VAV1: variants seen among roughly 807,000 people sequenced by gnomAD.
VAV1 encodes the protein proto-oncogene vav.
In VAV1, 33 loss-of-function variants were observed where a neutral mutation model predicts 128.1. That is an observed-to-expected ratio of 0.26 (90% CI 0.20 to 0.34). The LOEUF (loss-of-function observed/expected upper bound fraction) is 0.34. Among genes scored for constraint, VAV1 ranks in the 10% least tolerant of loss-of-function variants. The pLI is 1.00. For synonymous variants in VAV1, 394 were observed against 409.8 expected (o/e 0.96, Z 0.47); for missense variants, 715 against 1,093.7 (o/e 0.65, Z 4.88).
rs1971977829 is a variant in VAV1 at position 6,828,663 on chromosome 19, G to A, written c.1134G>A (p.Glu378=). The A allele has an allele frequency of 6.2e-7, 1 of 1,614,156 alleles. No individual in the cohort carries two copies. The highest frequency in any genetic ancestry group is 1.1e-5 in the South Asian group (1 of 91,072). Residue 378 remains glutamate (E), a synonymous_variant, in exon 12 of 27, where the codon GAG becomes GAA. Transcript: ENST00000602142. The surrounding 1 kb of genome is among the most constrained non-coding windows in gnomAD (Gnocchi z 4.5). ...QCVNEVKRDN[E]TLRQITNFQL... ...TGAACGAGGTCAAGCGAGACAACGA[G>A]ACACTGCGACAGATCACCAATTTCC...
intron 1 of VAV1, among the ~76,000 whole-genome samples, chr19:6,778,390 ATGT>A (rs1258782480): frequency 6.6e-6 from 1 of 152,044 alleles, no homozygotes; most frequent in African/African-American, 2.4e-5. Context: ...GGCCAAGATG[ATGT>A]TAAGTTCCCC....
At chr19:6,833,886 C>G in intron 18 of VAV1, 22 bp from the exon 19 acceptor site, 1 of 1,614,076 alleles carries the variant, frequency 6.2e-7, no homozygotes, top group Non-Finnish European at 8.5e-7. Flanking sequence ...GGTAGACAGG[C>G]TTTCTTTGTT....
At chr19:6,832,333 A>T in intron 15 of VAV1, 133 bp downstream of exon 15, 1 of 823,386 alleles carries the variant, frequency 1.2e-6, no homozygotes, top group Non-Finnish European at 1.9e-6. Context: ...CATTTGGGAA[A>T]TAAGAGGGAC....
At chr19:6,852,924 G>A in intron 24 of VAV1, 41 bp from the exon 25 acceptor site, 1 of 1,556,198 alleles carries the variant, frequency 6.4e-7, no homozygotes, top group Non-Finnish European at 8.8e-7. Context: ...CTTATGGGCT[G>A]GCCCGCTGGG....
In VAV1 at chr19:6,774,317, CA is replaced by C. The variant is rs916548286; in HGVS notation, c.204+1307del. Among the ~76,000 whole-genome samples, 508 of 149,284 alleles carry C rather than the reference CA, an allele frequency of 3.4e-3. 3 individuals are homozygous for C. The highest frequency in any genetic ancestry group is 0.011 in the African/African-American group (458 of 40,378). ...TAATTTTTTGTATTTTTAGTAGAGA[CA>C]GGGGTTTCACCGTGTTAGCCAGGAT... On this transcript the variant is annotated intron_variant, in intron 1 of 26. Transcript: ENST00000602142.
At chr19:6,844,701 T>C (rs1384078242) in intron 22 of VAV1, among the ~76,000 whole-genome samples, 1 of 152,134 alleles carries the variant, frequency 6.6e-6, no homozygotes, top group Non-Finnish European at 1.5e-5. Flanking sequence ...CGTGCTCTCC[T>C]GCGTTAGCGC....
rs749187719 is a variant in VAV1, at chr19:6,777,380, A to T, written c.204+4369A>T. ...AAACCCCTGTTGTTGAGGAGCCTGC[A>T]TTCTAGTGGGGGAGGCTGACAGTGA... On this transcript the variant is annotated intron_variant, in intron 1 of 26. Coordinates refer to ENST00000602142, the MANE Select transcript of VAV1 (RefSeq NM_005428.4). The surrounding 1 kb of genome is among the most constrained non-coding windows in gnomAD (Gnocchi z 4.4). 2.0e-5 allele frequency among the ~76,000 whole-genome samples: 3 copies of T among 152,276 alleles called. No individual in the cohort carries two copies. Among genetic ancestry groups the T allele is most frequent in the Non-Finnish European group, 4.4e-5 (3 of 68,026 alleles).
chr19:6,800,767 G>A lies in VAV1; in HGVS notation c.205-19935G>A, dbSNP rs568457652. On this transcript the variant is annotated intron_variant, in intron 1 of 26. Transcript: ENST00000602142. ...CTCCAGAGTAGCTGGGATTACAGGC[G>A]CCTGTCACCACGCCTGGCAAATTTT... is the stretch of plus-strand genomic sequence containing the variant. 8.1e-5 allele frequency among the ~76,000 whole-genome samples: 12 copies of A among 147,870 alleles called. No homozygotes were observed. In the South Asian group the frequency reaches 2.0e-3, roughly 25 times the overall value.
intron 6 of VAV1, among the ~76,000 whole-genome samples, chr19:6,823,013 T>C (rs1419546231): frequency 6.8e-6 from 1 of 148,026 alleles, no homozygotes; most frequent in African/African-American, 2.5e-5. Context: ...TTGATATAGG[T>C]ATATATCTTT....
chr19:6,819,787 T>C (rs141245046), intron 1 of VAV1, among the ~76,000 whole-genome samples: 12 of 152,318 alleles, frequency 7.9e-5, no homozygotes, highest in African/African-American at 2.9e-4. Flanking sequence ...TTCTTCAGGA[T>C]CTGGGGAACC....
rs61665765 is a variant in VAV1 at position 6,832,617 on chromosome 19, C to CTCG, written c.1508+417_1508+418insTCG. 4.1e-3 allele frequency among the ~76,000 whole-genome samples: 440 copies of CTCG among 107,240 alleles called. 1 individual carries two copies. Among genetic ancestry groups the CTCG allele is most frequent in the Non-Finnish European group, 5.2e-3 (277 of 53,630 alleles). The allele number at this position is 107,240 out of a possible 152,430, so 70.4% of individuals were successfully genotyped here. A position where few individuals can be genotyped will look rare whatever the true frequency, so the allele number is the denominator to read the frequency against. ...CTTCCTCTTCCTCCTATTCCTCCTC[C>CTCG]ACCTCTTCTTCCTCCTCCTCCCTTT... On this transcript the variant is annotated intron_variant, in intron 15 of 26. Transcript: ENST00000602142.
At chr19:6,808,443 G>A (rs953833191) in intron 1 of VAV1, among the ~76,000 whole-genome samples, 1 of 152,162 alleles carries the variant, frequency 6.6e-6, no homozygotes. Flanking sequence ...GAGAACCAAA[G>A]TAACAAGGAC....
chr19:6,824,918 A>T, intron 6 of VAV1, 135 bp from the exon 7 acceptor site: 1 of 938,196 alleles, frequency 1.1e-6, no homozygotes. Context: ...CACTGTGAAC[A>T]TTCTTGTACA....
intron 1 of VAV1, among the ~76,000 whole-genome samples, chr19:6,785,164 T>TTCTCTC (rs145477808): frequency 6.6e-6 from 1 of 151,734 alleles, no homozygotes; most frequent in African/African-American, 2.4e-5. Context: ...AGGTTTCTCT[T>TTCTCTC]TCTCTCTCTC....
At position 6,828,835 on chromosome 19, in the gene VAV1, T is replaced by C; in HGVS notation, c.1200T>C (p.Tyr400=). The C allele has an allele frequency of 1.2e-6, 2 of 1,614,170 alleles. No individual in the cohort carries two copies. The highest frequency in any genetic ancestry group is 1.7e-6 in the Non-Finnish European group (2 of 1,180,028). Residue 400 remains tyrosine (Y), a synonymous_variant, in exon 13 of 27, where the codon TAT becomes TAC. Coordinates refer to ENST00000602142, the MANE Select transcript of VAV1 (RefSeq NM_005428.4). The surrounding 1 kb of genome is among the most constrained non-coding windows in gnomAD (Gnocchi z 4.5). ...CATAGGACCAGTCTCTGGCTCACTA[T>C]GGCCGGCCCAAGATCGACGGGGAAC... The part of the protein sequence containing the change: ...IENLDQSLAH[Y]GRPKIDGELK...
intron 25 of VAV1, 89 bp from the exon 26 acceptor site, chr19:6,853,858 T>C: frequency 6.5e-7 from 1 of 1,528,342 alleles, no homozygotes; most frequent in African/African-American, 1.4e-5. Context: ...CCCTTTATCC[T>C]GGAGTTACTG....
intron 1 of VAV1, among the ~76,000 whole-genome samples, chr19:6,790,237 G>A (rs910172165): frequency 8.5e-5 from 13 of 152,216 alleles, no homozygotes; most frequent in East Asian, 1.9e-4. Context: ...AGACTCATTT[G>A]ATGTTATTTT....
intron 22 of VAV1, 93 bp downstream of exon 22, chr19:6,843,259 T>C (rs111250502): frequency 3.8e-5 from 54 of 1,410,892 alleles, no homozygotes; most frequent in Non-Finnish European, 5.3e-5. Flanking sequence ...CAATTAGTTA[T>C]GCATTCTGTG....
At chr19:6,832,258 G>C in intron 15 of VAV1, 58 bp downstream of exon 15, 1 of 1,540,582 alleles carries the variant, frequency 6.5e-7, no homozygotes, top group East Asian at 2.3e-5. Context: ...CTGGGAAGGA[G>C]GAACGTGATC....
Sources: allele counts gnomAD v4.1 joint callset (sites outside exome capture counted in the v4.1 genomes callset), GRCh38; gene constraint gnomAD v4.1.1; non-coding constraint Gnocchi (gnomAD v3.1); transcripts MANE v1.5; gene names NCBI Gene and HGNC (gene_info 2026-07-23, HGNC 2026-07-21).